Variants in AP1M1 observed in about 807,000 individuals in gnomAD.
AP1M1 encodes the protein AP-1 complex subunit mu-1.
In AP1M1, 18 loss-of-function variants were observed where a neutral mutation model predicts 57.1. The ratio of observed to expected loss-of-function variants is 0.32; its 90% CI spans 0.22 to 0.47. The LOEUF is 0.47. Among genes scored for constraint, AP1M1 ranks in the 20% least tolerant of loss-of-function variants. The pLI is 1.00. For synonymous variants in AP1M1, 241 were observed against 237.9 expected (o/e 1.01, Z -0.12); for missense variants, 362 against 593.5 (o/e 0.61, Z 4.05).
intron 2 of AP1M1, among the ~76,000 whole-genome samples, chr19:16,204,153 A>G (rs1282655980): frequency 6.6e-6 from 1 of 150,440 alleles, no homozygotes; most frequent in Non-Finnish European, 1.5e-5. Flanking sequence ...AGGAGAGGAC[A>G]TGGGTAGGTG....
chr19:16,217,301 G>A (rs2091523062), intron 5 of AP1M1, among the ~76,000 whole-genome samples: 1 of 151,920 alleles, frequency 6.6e-6, no homozygotes, highest in African/African-American at 2.4e-5. Context: ...GGTGGGAGAG[G>A]AGAATGAGGG....
chr19:16,227,500 A>G lies in AP1M1; in HGVS notation c.674-48A>G. ...CAGGTGGTAGGAGTACTGCTGAGAT[A>G]GTGACCCGGAGGGCCCAGATCTGTC... On this transcript the variant is annotated intron_variant, in intron 6 of 11. Transcript: ENST00000291439. The surrounding 1 kb of genome is among the most constrained non-coding windows in gnomAD (Gnocchi z 6.2). The G allele has an allele frequency of 6.3e-7, 1 of 1,591,220 alleles. No homozygotes were observed. Among genetic ancestry groups the G allele is most frequent in the Non-Finnish European group, 8.6e-7 (1 of 1,162,168 alleles).
At chr19:16,202,434 A>G (rs1426856447) in intron 1 of AP1M1, among the ~76,000 whole-genome samples, 3 of 152,192 alleles carry the variant, frequency 2.0e-5, no homozygotes, top group African/African-American at 4.8e-5. Context: ...AAAGTGTACA[A>G]TTTGATGAGC....
At chr19:16,204,256 C>T (rs550046326) in intron 2 of AP1M1, among the ~76,000 whole-genome samples, 1 of 152,172 alleles carries the variant, frequency 6.6e-6, no homozygotes, top group East Asian at 1.9e-4. Flanking sequence ...ATCTCAGAGC[C>T]CCCCACCCTT....
At chr19:16,233,651 C>T (rs762919388) in intron 10 of AP1M1, 33 bp downstream of exon 10, 24 of 1,595,682 alleles carry the variant, frequency 1.5e-5, no homozygotes, top group East Asian at 2.2e-5. Context: ...GGGCCCAGAA[C>T]AGGGACAGAG....
Position 16,197,978 on chromosome 19 carries a change from C to CTGCCGCCGCCACCGCCCTCGGCCGT in AP1M1, c.-25_-24insTTGCCGCCGCCACCGCCCTCGGCCG. The CTGCCGCCGCCACCGCCCTCGGCCGT allele has an allele frequency of 1.3e-6, 2 of 1,525,870 alleles. No homozygotes were observed. Among genetic ancestry groups the CTGCCGCCGCCACCGCCCTCGGCCGT allele is most frequent in the Non-Finnish European group, 1.8e-6 (2 of 1,135,688 alleles). The allele number at this position is 1,525,870 out of a possible 1,614,324, so 94.5% of individuals were successfully genotyped here. ...CAACGCCCAGCAGTCCCCACCGTCG[C>CTGCCGCCGCCACCGCCCTCGGCCGT]TGCCGCCGCCACCGCCCTCGGCCGC... is the stretch of plus-strand genomic sequence containing the variant. On this transcript the variant is annotated 5_prime_UTR_variant, in exon 1 of 12. Coordinates refer to ENST00000291439, the MANE Select transcript of AP1M1 (RefSeq NM_032493.4).
At chr19:16,232,040 C>T (rs1288805551) in intron 9 of AP1M1, among the ~76,000 whole-genome samples, 1 of 152,254 alleles carries the variant, frequency 6.6e-6, no homozygotes, top group Non-Finnish European at 1.5e-5. Context: ...TCTGCATCTC[C>T]TATAGCACCT....
At position 16,235,095 on chromosome 19, in the gene AP1M1, G is replaced by A. The variant is rs2145146230; in HGVS notation, c.*660G>A. On this transcript the variant is annotated 3_prime_UTR_variant, in exon 12 of 12. Coordinates refer to ENST00000291439, the MANE Select transcript of AP1M1 (RefSeq NM_032493.4). The stretch of plus-strand genomic sequence containing the variant: ...CACTGTAGCGTCTGCCTGCTCCCTG[G>A]ACTCGCAGGCCTCGCCTGTGGCGCC... 6.6e-6 allele frequency: 1 copy of A among 152,622 alleles called. No individual in the cohort carries two copies. Among genetic ancestry groups the A allele is most frequent in the Middle Eastern group, 3.4e-3 (1 of 294 alleles). The allele number at this position is 152,622 out of a possible 1,614,324, so 9.5% of individuals were successfully genotyped here. A position where few individuals can be genotyped will look rare whatever the true frequency, so the allele number is the denominator to read the frequency against.
chr19:16,215,329 T>C (rs751696527), intron 5 of AP1M1, among the ~76,000 whole-genome samples: 78 of 138,192 alleles, frequency 5.6e-4, no homozygotes, highest in Non-Finnish European at 1.1e-3. Context: ...CACGTGGTGG[T>C]GCATGCCTGT....
At chr19:16,202,604 TTTGTC>T (rs1181952847) in intron 1 of AP1M1, among the ~76,000 whole-genome samples, 5 of 152,212 alleles carry the variant, frequency 3.3e-5, no homozygotes, top group Admixed American at 2.0e-4. Flanking sequence ...TGAGCTCTCG[TTTGTC>T]TGGTTTCTCT....
At chr19:16,215,867 T>C (rs1214913423) in intron 5 of AP1M1, among the ~76,000 whole-genome samples, 1 of 152,172 alleles carries the variant, frequency 6.6e-6, no homozygotes, top group Non-Finnish European at 1.5e-5. Context: ...TCATTCCTTT[T>C]CGTTATTTTT....
intron 5 of AP1M1, among the ~76,000 whole-genome samples, chr19:16,216,318 G>A (rs904909566): frequency 3.9e-5 from 6 of 152,024 alleles, no homozygotes; most frequent in South Asian, 4.1e-4. Context: ...GGTGGCGGGC[G>A]CCTGTAGTCC....
chr19:16,208,721 G>A (rs146378556), intron 4 of AP1M1: 11 of 272,988 alleles, frequency 4.0e-5, no homozygotes, highest in East Asian at 3.6e-4. Context: ...CAGCAGGGAC[G>A]GGAAGCAGCT....
In AP1M1 at chr19:16,237,631, G is replaced by C. The variant is rs1291603345; in HGVS notation, c.*3196G>C. 2 of 150,324 alleles carry C rather than the reference G, an allele frequency of 1.3e-5. No homozygotes were observed. Among genetic ancestry groups the C allele is most frequent in the Admixed American group, 1.3e-4 (2 of 15,082 alleles). The allele number at this position is 150,324 out of a possible 1,614,324, so 9.3% of individuals were successfully genotyped here. A position where few individuals can be genotyped will look rare whatever the true frequency, so the allele number is the denominator to read the frequency against. ...GCCTGTAATCCCAGCTACTTGGGAG[G>C]CTGAGGCATCAGAATCATTTGAACC... On this transcript the variant is annotated 3_prime_UTR_variant, in exon 12 of 12. Transcript: ENST00000291439.
intron 5 of AP1M1, among the ~76,000 whole-genome samples, chr19:16,224,830 G>A (rs1170765942): frequency 3.9e-5 from 6 of 152,010 alleles, no homozygotes; most frequent in Admixed American, 1.3e-4. Flanking sequence ...CCCAATGCTC[G>A]GGCTCCTGGA....
In AP1M1 at chr19:16,242,309, CAA is replaced by C. The variant is rs67062293; in HGVS notation, c.*7885_*7886del. The stretch of plus-strand genomic sequence containing the variant: ...TGGGTGACAGAGTGACACCCTGCCT[CAA>C]AAAAAAAAAATAAAATAAAGGAAAA... On this transcript the variant is annotated 3_prime_UTR_variant, in exon 12 of 12. Transcript: ENST00000291439. 82,429 of 149,694 alleles carry C rather than the reference CAA, an allele frequency of 0.55. 25,518 individuals are homozygous for C. The highest frequency in any genetic ancestry group is 0.71 in the Non-Finnish European group (47,970 of 67,520). The allele number at this position is 149,694 out of a possible 1,614,324, so 9.3% of individuals were successfully genotyped here. A position where few individuals can be genotyped will look rare whatever the true frequency, so the allele number is the denominator to read the frequency against.
At position 16,197,992 on chromosome 19, in the gene AP1M1, G is replaced by GCCCTCGGCCGCTGACGCCGCCACCA; in HGVS notation, c.-22_-21insACGCCGCCACCACCCTCGGCCGCTG. 1 of 1,550,830 alleles carries GCCCTCGGCCGCTGACGCCGCCACCA rather than the reference G, an allele frequency of 6.4e-7. No individual in the cohort carries two copies. The highest frequency in any genetic ancestry group is 1.2e-5 in the South Asian group (1 of 85,064). ...CCCCACCGTCGCTGCCGCCGCCACC[G>GCCCTCGGCCGCTGACGCCGCCACCA]CCCTCGGCCGCTGCCGAGGCCTCCT... On this transcript the variant is annotated 5_prime_UTR_variant, in exon 1 of 12. Coordinates refer to ENST00000291439, the MANE Select transcript of AP1M1 (RefSeq NM_032493.4).
chr19:16,208,878 CT>C, intron 4 of AP1M1, 151 bp from the exon 5 acceptor site: 1 of 901,610 alleles, frequency 1.1e-6, no homozygotes, highest in Non-Finnish European at 1.6e-6. Context: ...CAGAGGCTGC[CT>C]TTTCTGGAGC....
chr19:16,230,251 A>G (rs1208824070), intron 9 of AP1M1, among the ~76,000 whole-genome samples: 7 of 152,094 alleles, frequency 4.6e-5, no homozygotes, highest in Non-Finnish European at 7.4e-5. Flanking sequence ...GTTTGTGGCA[A>G]CCCTGCGTTG....
Sources: gnomAD v4.1 joint callset for allele counts (sites outside exome capture counted in the v4.1 genomes callset) on GRCh38, gnomAD v4.1.1 for gene constraint, Gnocchi (gnomAD v3.1) non-coding constraint, MANE v1.5 for transcripts, NCBI Gene and HGNC (gene_info 2026-07-23, HGNC 2026-07-21) for gene names.